The following OCA2 variants were observed in gnomAD, a reference collection of about 807,000 sequenced individuals.
OCA2 encodes the protein OCA2 melanosomal transmembrane protein.
A neutral mutation model predicts 100.2 loss-of-function variants in OCA2; 77 were observed. That is an observed-to-expected ratio of 0.77 (90% CI 0.64 to 0.93). The LOEUF (loss-of-function observed/expected upper bound fraction) is 0.93, where lower values mean the gene tolerates loss of function less well. OCA2 is among the 40% of genes least tolerant of loss of function. The probability of loss-of-function intolerance (pLI) is 0.00; values close to 1 mark genes in which losing one functional copy is unlikely to be tolerated. For missense variants in OCA2, 1,062 were observed against 1,089.1 expected (o/e 0.98, Z 0.35); for synonymous variants, 432 against 439.2 (o/e 0.98, Z 0.21).
chr15:28,097,085 C>T (rs986028089), intron 1 of OCA2, among the ~76,000 whole-genome samples: 2 of 152,222 alleles, frequency 1.3e-5, no homozygotes, highest in African/African-American at 4.8e-5. Flanking sequence ...AGCTTGGAAA[C>T]TGTGTCCCAT....
chr15:28,036,729 T>C (rs2043055035), intron 2 of OCA2, among the ~76,000 whole-genome samples: 2 of 152,180 alleles, frequency 1.3e-5, no homozygotes, highest in African/African-American at 2.4e-5. Flanking sequence ...TTGAAAATAT[T>C]GAGTACCTAA....
In OCA2 at chr15:27,835,720, T is replaced by C. The variant is rs143908987; in HGVS notation, c.2432+9239A>G. Among the ~76,000 whole-genome samples the C allele has an allele frequency of 6.4e-3, 969 of 152,286 alleles. 16 individuals are homozygous for C. Among genetic ancestry groups the C allele is most frequent in the African/African-American group, 0.022 (910 of 41,564 alleles). On this transcript the variant is annotated intron_variant, in intron 23 of 23. Transcript: ENST00000354638. ...CTCCTGGCAATGATATGCAATGGCG[T>C]TGGCCTCTCATCATCACCCCCGTCA...
intron 23 of OCA2, among the ~76,000 whole-genome samples, chr15:27,819,762 G>A (rs1380410444): frequency 2.0e-5 from 3 of 152,066 alleles, no homozygotes; most frequent in Non-Finnish European, 4.4e-5. Flanking sequence ...ATATTTCTGT[G>A]CTCTATCAAT....
the OCA2 span, among the ~76,000 whole-genome samples, chr15:27,722,765 C>CT: frequency 1.2e-4 from 15 of 128,292 alleles, no homozygotes; most frequent in South Asian, 5.5e-4. Flanking sequence ...TCCTTCCTTT[C>CT]TTTCTTTTCT....
intron 9 of OCA2, among the ~76,000 whole-genome samples, chr15:27,994,731 A>G (rs972143269): frequency 6.6e-6 from 1 of 152,204 alleles, no homozygotes; most frequent in Non-Finnish European, 1.5e-5. Context: ...TGCAAAACAG[A>G]AGGCCAGCAT....
chr15:27,734,286 C>CAAAAAAAAAA, the OCA2 span, among the ~76,000 whole-genome samples: 118 of 76,256 alleles, frequency 1.5e-3, 2 homozygotes, highest in Non-Finnish European at 2.5e-3. Flanking sequence ...TTTTCAAGAG[C>CAAAAAAAAAA]AAAAAAAAAA....
chr15:27,978,689 C>G (rs1315425961), intron 14 of OCA2, among the ~76,000 whole-genome samples: 2 of 149,248 alleles, frequency 1.3e-5, no homozygotes, highest in South Asian at 2.1e-4. Flanking sequence ...GAGAGAGAGA[C>G]ATTTTTTTTT....
chr15:27,907,212 C>A (rs1475050777), intron 19 of OCA2, among the ~76,000 whole-genome samples: 1 of 152,122 alleles, frequency 6.6e-6, no homozygotes, highest in Non-Finnish European at 1.5e-5. Flanking sequence ...GCCAGTGCAA[C>A]CAAGCTAGAA....
At chr15:27,730,738 T>C in the OCA2 span, among the ~76,000 whole-genome samples, 1 of 8,190 alleles carries the variant, frequency 1.2e-4, no homozygotes, top group Non-Finnish European at 4.7e-4. Context: ...ACCAAATATA[T>C]ATATATATAT....
intron 19 of OCA2, among the ~76,000 whole-genome samples, chr15:27,879,442 C>T (rs1366008572): frequency 2.0e-5 from 3 of 152,186 alleles, no homozygotes; most frequent in Middle Eastern, 3.2e-3. Context: ...CTGTCTTCCA[C>T]AATCGTTGAA....
chr15:27,973,034 T>C (rs1017215530), intron 14 of OCA2, among the ~76,000 whole-genome samples: 7 of 151,804 alleles, frequency 4.6e-5, no homozygotes, highest in African/African-American at 9.7e-5. Flanking sequence ...CCCAGCTATT[T>C]TTTTATTTTA....
chr15:28,018,561 G>A lies in OCA2; in HGVS notation c.647-4C>T, dbSNP rs200183522. On this transcript the variant is annotated splice_polypyrimidine_tract_variant and splice_region_variant and intron_variant, in intron 6 of 23. Coordinates refer to ENST00000354638, the MANE Select transcript of OCA2 (RefSeq NM_000275.3). ...ACGTGGCTGCTAAGGTTCACGGCTC[G>A]GAGAGTGTCAAGGAGAACCACAAGG... The A allele has an allele frequency of 1.8e-4, 295 of 1,611,392 alleles. 2 individuals are homozygous for A. The African/African-American group carries it at 3.2e-3, about 17-fold the overall frequency.
At chr15:27,771,793 C>CGAA (rs2151047113) in intron 23 of OCA2, among the ~76,000 whole-genome samples, 3 of 152,038 alleles carry the variant, frequency 2.0e-5, no homozygotes, top group African/African-American at 7.2e-5. Flanking sequence ...TTTTGCTTTC[C>CGAA]CATTCTCTTT....
intron 14 of OCA2, among the ~76,000 whole-genome samples, chr15:27,967,394 A>G (rs567636509): frequency 1.3e-4 from 20 of 152,370 alleles, no homozygotes; most frequent in Middle Eastern, 3.4e-3. Flanking sequence ...AAGCCATCAT[A>G]GGAAGAAACA....
At chr15:27,749,618 A>AAACTTTTACTTTTCACTTTTTTTT in the OCA2 span, among the ~76,000 whole-genome samples, 7 of 152,078 alleles carry the variant, frequency 4.6e-5, no homozygotes, top group Admixed American at 1.3e-4. Context: ...TTAATTCTGT[A>AAACTTTTACTTTTCACTTTTTTTT]ACTAATAAGT....
At chr15:27,825,169 C>G (rs1208131924) in intron 23 of OCA2, among the ~76,000 whole-genome samples, 1 of 152,164 alleles carries the variant, frequency 6.6e-6, no homozygotes, top group Non-Finnish European at 1.5e-5. Flanking sequence ...TCTCCAAGGA[C>G]AGCCGGCCTC....
chr15:27,763,442 G>A (rs762447742), intron 23 of OCA2, among the ~76,000 whole-genome samples: 1 of 152,174 alleles, frequency 6.6e-6, no homozygotes, highest in Admixed American at 6.5e-5. Flanking sequence ...TCAAAACTCA[G>A]TGGTACAAAC....
chr15:27,988,232 C>A (rs902833377), intron 11 of OCA2, among the ~76,000 whole-genome samples: 1 of 152,098 alleles, frequency 6.6e-6, no homozygotes, highest in South Asian at 2.1e-4. Context: ...CTGTACCCTG[C>A]AGTTCCAGAA....
intron 19 of OCA2, among the ~76,000 whole-genome samples, chr15:27,919,414 C>A (rs936629471): frequency 6.6e-6 from 1 of 151,888 alleles, no homozygotes; most frequent in African/African-American, 2.4e-5. Context: ...TGTGGTACAT[C>A]CAGACAATGG....
Sources: gnomAD v4.1 joint callset for allele counts (sites outside exome capture counted in the v4.1 genomes callset) on GRCh38, gnomAD v4.1.1 for gene constraint, MANE v1.5 for transcripts, NCBI Gene and HGNC (gene_info 2026-07-23, HGNC 2026-07-21) for gene names.